The following ABCA12 variants were observed in gnomAD, a reference collection of about 807,000 sequenced individuals.
ABCA12 encodes glucosylceramide transporter ABCA12.
Under a neutral mutation model 293.5 loss-of-function variants are expected in ABCA12, and 156 were observed. That is an observed-to-expected ratio of 0.53 (90% CI 0.47 to 0.61). The LOEUF is 0.61. Among genes scored for constraint, ABCA12 ranks in the 20% least tolerant of loss-of-function variants. ABCA12 has a pLI of 0.00. For synonymous variants in ABCA12, 1,063 were observed against 1,108.0 expected (o/e 0.96, Z 0.81); for missense variants, 2,797 against 3,090.2 (o/e 0.91, Z 2.25).
intron 2 of ABCA12, among the ~76,000 whole-genome samples, chr2:215,099,944 A>T (rs184646219): frequency 6.6e-6 from 1 of 152,154 alleles, no homozygotes; most frequent in African/African-American, 2.4e-5. Context: ...CCATTACTAC[A>T]GGATAAAATC....
At chr2:214,970,431 T>G in intron 36 of ABCA12, 31 bp from the exon 37 acceptor site, 2 of 1,612,114 alleles carry the variant, frequency 1.2e-6, no homozygotes, top group South Asian at 2.2e-5. Flanking sequence ...TGAATTTTTT[T>G]CTGGCCAATG....
chr2:214,980,442 T>C lies in ABCA12; in HGVS notation c.4740+41A>G, dbSNP rs1312986578. 3 of 1,611,244 alleles carry C rather than the reference T, an allele frequency of 1.9e-6. No individual in the cohort carries two copies. In the African/African-American group the frequency reaches 4.0e-5, roughly 22 times the overall value. On this transcript the variant is annotated intron_variant, in intron 31 of 52. Transcript: ENST00000272895. ...TGCTCCTATTTCATATAAAACTTAA[T>C]TTATGGTGCCATAATGAGATATATT...
chr2:215,091,757 A>G (rs1370794048), intron 2 of ABCA12, among the ~76,000 whole-genome samples: 6 of 152,242 alleles, frequency 3.9e-5, no homozygotes, highest in African/African-American at 1.4e-4. Flanking sequence ...ACTTGCCTCC[A>G]CTGTGAGAGA....
At chr2:215,018,193 T>C in intron 13 of ABCA12, 61 bp from the exon 14 acceptor site, 5 of 1,574,610 alleles carry the variant, frequency 3.2e-6, no homozygotes, top group Non-Finnish European at 4.3e-6. Flanking sequence ...CTCTTTTTAG[T>C]ATGACTAACA....
chr2:215,025,889 T>C, intron 10 of ABCA12, 110 bp from the exon 11 acceptor site: 1 of 732,968 alleles, frequency 1.4e-6, no homozygotes, highest in Non-Finnish European at 2.4e-6. Context: ...CCTAAGATAA[T>C]AGCCTACCTC....
At chr2:215,024,974 T>C (rs1700706809) in intron 11 of ABCA12, among the ~76,000 whole-genome samples, 1 of 152,164 alleles carries the variant, frequency 6.6e-6, no homozygotes. Context: ...GTATCATAAA[T>C]TTTAATATAA....
intron 1 of ABCA12, among the ~76,000 whole-genome samples, chr2:215,118,210 T>C (rs927989535): frequency 6.6e-6 from 1 of 152,112 alleles, no homozygotes; most frequent in African/African-American, 2.4e-5. Context: ...GAGACCAGCC[T>C]GGCCAACATG....
chr2:214,975,785 G>C lies in ABCA12; in HGVS notation c.5381C>G (p.Ala1794Gly), dbSNP rs191005935. 1 of 1,614,006 alleles carries C rather than the reference G, an allele frequency of 6.2e-7. No individual in the cohort carries two copies. The highest frequency in any genetic ancestry group is 8.5e-7 in the Non-Finnish European group (1 of 1,179,924). The part of the protein sequence containing the change: ...YGTSEQTAFY[A>G]NYHPSTEALV... ...TTTTAGTTAACAGAAAGAAACTTAC[G>C]CATAGAAGGCTGTCTGTTCGGAGGT... Residue 1794 changes from alanine to glycine, a missense_variant and splice_region_variant, in exon 34 of 53, where the codon GCT (alanine) becomes GGT (glycine). By Grantham distance (60) the Ala-to-Gly change is moderately conservative. Around this residue, in one of 3 missense-constraint regions of ABCA12, gnomAD observed 2,130 missense variants for 2,427.0 expected, o/e 0.88. Coordinates refer to ENST00000272895, the MANE Select transcript of ABCA12 (RefSeq NM_173076.3).
At chr2:215,132,321 T>C (rs570316068) in intron 1 of ABCA12, among the ~76,000 whole-genome samples, 1 of 152,204 alleles carries the variant, frequency 6.6e-6, no homozygotes, top group East Asian at 1.9e-4. Context: ...ATCTGTCTAG[T>C]AATATAAGTG....
intron 3 of ABCA12, among the ~76,000 whole-genome samples, chr2:215,061,308 G>A (rs546609442): frequency 1.6e-4 from 24 of 152,114 alleles, no homozygotes; most frequent in Middle Eastern, 3.4e-3. Flanking sequence ...GGTGCCAGAC[G>A]CAAAATCACA....
chr2:214,991,526 T>C (rs1260441674), intron 23 of ABCA12, among the ~76,000 whole-genome samples: 1 of 152,208 alleles, frequency 6.6e-6, no homozygotes, highest in Non-Finnish European at 1.5e-5. Flanking sequence ...TCAGTATTGA[T>C]GTTCCTGAGA....
At chr2:215,112,404 T>C (rs896283876) in intron 1 of ABCA12, among the ~76,000 whole-genome samples, 3 of 151,808 alleles carry the variant, frequency 2.0e-5, no homozygotes, top group Admixed American at 1.3e-4. Flanking sequence ...CAGTGTCTTA[T>C]TGATACCTAA....
intron 1 of ABCA12, among the ~76,000 whole-genome samples, chr2:215,113,664 T>C (rs945763154): frequency 1.3e-5 from 2 of 152,194 alleles, no homozygotes; most frequent in East Asian, 1.9e-4. Context: ...GATCACCTAA[T>C]GAATAGAATT....
chr2:215,017,855 C>T, intron 14 of ABCA12, 153 bp downstream of exon 14: 1 of 1,038,806 alleles, frequency 9.6e-7, no homozygotes. Context: ...TTTCTTCTAT[C>T]TTTAATGAGG....
chr2:214,932,484 A>G lies in ABCA12; in HGVS notation c.*150T>C. 1 of 693,100 alleles carries G rather than the reference A, an allele frequency of 1.4e-6. No individual in the cohort carries two copies. The highest frequency in any genetic ancestry group is 2.5e-6 in the Non-Finnish European group (1 of 402,928). 42.9% of individuals were successfully genotyped at this position (693,100 alleles called of 1,614,324 possible). A position where few individuals can be genotyped will look rare whatever the true frequency, so the allele number is the denominator to read the frequency against. ...CTTAGAAGGAAAAATTTCCTTTTAT[A>G]ATTACTTGTTAGTCTAACACAGTTG... On this transcript the variant is annotated 3_prime_UTR_variant, in exon 53 of 53. Transcript: ENST00000272895.
intron 3 of ABCA12, among the ~76,000 whole-genome samples, chr2:215,054,987 T>C (rs1701391764): frequency 6.6e-6 from 1 of 152,092 alleles, no homozygotes; most frequent in Non-Finnish European, 1.5e-5. Context: ...TTTAAAAAGT[T>C]GATAGGTCCC....
At chr2:215,036,330 T>G (rs946924497) in intron 8 of ABCA12, among the ~76,000 whole-genome samples, 2 of 152,224 alleles carry the variant, frequency 1.3e-5, no homozygotes, top group Non-Finnish European at 2.9e-5. Flanking sequence ...AAGGTAAAAG[T>G]TGAAATATGT....
chr2:214,984,851 G>C (rs777382243), intron 28 of ABCA12, among the ~76,000 whole-genome samples: 1 of 151,950 alleles, frequency 6.6e-6, no homozygotes, highest in Non-Finnish European at 1.5e-5. Context: ...TCTACTTCCC[G>C]CATGCTCTTT....
In ABCA12 at chr2:215,052,510, C is replaced by T. The variant is rs192427187; in HGVS notation, c.484G>A (p.Ala162Thr). ...TYTFNGSQVL[A>T]RILGLEKLLK... Reference sequence around the variant, plus strand: ...ACCTTTTCCAAGCCAAGAATTCGTGCGAGCACTTGACTGCCATTGAAAGTA... The same window carrying T: ...ACCTTTTCCAAGCCAAGAATTCGTGTGAGCACTTGACTGCCATTGAAAGTA... Residue 162 changes from alanine to threonine, a missense_variant, in exon 5 of 53, where the codon GCA becomes ACA. Ala to Thr is a moderately conservative substitution (Grantham distance 58, BLOSUM62 0). Transcript: ENST00000272895. The T allele has an allele frequency of 8.6e-5, 138 of 1,612,308 alleles. No homozygotes were observed. The highest frequency in any genetic ancestry group is 1.1e-4 in the Non-Finnish European group (133 of 1,178,868).
Sources: gnomAD v4.1 joint callset for allele counts (sites outside exome capture counted in the v4.1 genomes callset) on GRCh38, gnomAD v4.1.1 for gene constraint, gnomAD v4.1.1 regional missense constraint, MANE v1.5 for transcripts, NCBI Gene and HGNC (gene_info 2026-07-23, HGNC 2026-07-21) for gene names.